Variants in EFCAB13 observed in about 807,000 individuals in gnomAD.
The protein encoded by EFCAB13 is EF-hand calcium-binding domain-containing protein 13.
A neutral mutation model predicts 110.2 loss-of-function variants in EFCAB13; 91 were observed. The ratio of observed to expected loss-of-function variants is 0.83; its 90% confidence interval spans 0.70 to 0.98. EFCAB13 has a LOEUF of 0.98. Ranked by LOEUF, EFCAB13 falls within the 50% of genes least tolerant of loss-of-function variation. The probability of loss-of-function intolerance (pLI) is 0.00; values close to 1 mark genes in which losing one functional copy is unlikely to be tolerated. For synonymous variants in EFCAB13, 323 were observed against 369.9 expected (o/e 0.87, Z 1.45); for missense variants, 968 against 1,119.4 (o/e 0.86, Z 1.93).
chr17:47,351,473 G>A (rs2065453006), intron 9 of EFCAB13, among the ~76,000 whole-genome samples: 2 of 152,164 alleles, frequency 1.3e-5, no homozygotes, highest in South Asian at 2.1e-4. Context: ...TATATACCTA[G>A]TAGTGGAATT....
chr17:47,420,028 G>A (rs1231883359), intron 23 of EFCAB13, among the ~76,000 whole-genome samples: 7 of 151,810 alleles, frequency 4.6e-5, no homozygotes, highest in Non-Finnish European at 7.4e-5. Context: ...CTGCCATCTC[G>A]GCTCACTGCA....
At chr17:47,416,387 T>G (rs1023790262) in intron 23 of EFCAB13, among the ~76,000 whole-genome samples, 2 of 152,186 alleles carry the variant, frequency 1.3e-5, no homozygotes, top group African/African-American at 4.8e-5. Flanking sequence ...TTGTATTTTT[T>G]TGTGTCTAAC....
chr17:47,385,363 A>T (rs1037801859), intron 14 of EFCAB13, among the ~76,000 whole-genome samples: 1 of 151,458 alleles, frequency 6.6e-6, no homozygotes, highest in South Asian at 2.1e-4. Context: ...TTTGTCTCTA[A>T]TCCTGTCTTC....
chr17:47,407,573 T>C lies in EFCAB13; in HGVS notation c.2234-2074T>C, dbSNP rs115551500. On this transcript the variant is annotated intron_variant, in intron 20 of 24. Transcript: ENST00000331493. ...ATACATTGGACTCCACGAAAGAAAA[T>C]TGTCAGTTTGACAAAGACAAAAATC... Among the ~76,000 whole-genome samples, 596 of 152,206 alleles carry C rather than the reference T, an allele frequency of 3.9e-3. 5 individuals are homozygous for C. Among genetic ancestry groups the C allele is most frequent in the African/African-American group, 0.013 (560 of 41,512 alleles).
chr17:47,326,094 T>TA (rs2065284764), intron 2 of EFCAB13, 132 bp from the exon 3 acceptor site: 1 of 151,718 alleles, frequency 6.6e-6, no homozygotes, highest in South Asian at 2.1e-4. Context: ...AGAAAAGGGA[T>TA]ACGACTCCCT....
In EFCAB13 at chr17:47,335,383, T is replaced by C. The variant is rs755151101; in HGVS notation, c.191+27T>C. On this transcript the variant is annotated intron_variant, in intron 5 of 24. Coordinates refer to ENST00000331493, the MANE Select transcript of EFCAB13 (RefSeq NM_152347.5). ...TAAGTTAAAAACTCTGAACTTACTT[T>C]ATTGAATTATACTTTTGCAAGTTAA... is the stretch of plus-strand genomic sequence containing the variant. 9 of 1,552,598 alleles carry C rather than the reference T, an allele frequency of 5.8e-6. No homozygotes were observed. In the African/African-American group the frequency reaches 1.2e-4, roughly 21 times the overall value.
chr17:47,339,025 A>G (rs769092009), intron 5 of EFCAB13, among the ~76,000 whole-genome samples: 21 of 152,168 alleles, frequency 1.4e-4, no homozygotes, highest in Non-Finnish European at 7.3e-5. Context: ...AATTGGAAAA[A>G]AAGGCCAAGG....
rs1298334989 is a variant in EFCAB13, at chr17:47,395,905, A to G, written c.1873A>G (p.Thr625Ala). 1.6e-5 allele frequency: 25 copies of G among 1,611,158 alleles called. No individual in the cohort carries two copies. In the Admixed American group the frequency reaches 4.2e-4, roughly 27 times the overall value. Residue 625 changes from threonine to alanine, a missense_variant, in exon 17 of 25, where the codon ACT (threonine) becomes GCT (alanine). Transcript: ENST00000331493. ...GATGAGTGTTTCTGACCTGTGGAAT[A>G]CTCTGTCTAGTTTGAATAGTAATTT... ...ETMSVSDLWN[T>A]LSSLNSNLKK...
chr17:47,324,645 T>C (rs1171334916), intron 2 of EFCAB13, 122 bp downstream of exon 2: 2 of 151,974 alleles, frequency 1.3e-5, no homozygotes, highest in African/African-American at 4.8e-5. Flanking sequence ...ACGTTTTCAG[T>C]CCCTCTGGCG....
intron 11 of EFCAB13, among the ~76,000 whole-genome samples, chr17:47,371,702 G>A (rs1236239716): frequency 3.9e-5 from 6 of 151,914 alleles, no homozygotes; most frequent in African/African-American, 1.2e-4. Context: ...CAACCTCTGC[G>A]TCCTGGGTTC....
At chr17:47,339,958 T>G (rs2065374486) in intron 5 of EFCAB13, 1 of 152,106 alleles carries the variant, frequency 6.6e-6, no homozygotes, top group Non-Finnish European at 1.5e-5. Flanking sequence ...TAAAAAAGAC[T>G]ACTATCAGGG....
At chr17:47,338,887 T>G (rs1266582949) in intron 5 of EFCAB13, among the ~76,000 whole-genome samples, 1 of 149,784 alleles carries the variant, frequency 6.7e-6, no homozygotes, top group African/African-American at 2.4e-5. Flanking sequence ...CTTGGAGAAA[T>G]AAGTCAGTAA....
chr17:47,421,707 G>T (rs1177581345), intron 23 of EFCAB13, among the ~76,000 whole-genome samples: 2 of 149,750 alleles, frequency 1.3e-5, no homozygotes, highest in African/African-American at 4.9e-5. Context: ...AGCATACACA[G>T]ACATAAAAAA....
intron 23 of EFCAB13, among the ~76,000 whole-genome samples, chr17:47,419,606 A>G (rs1263877910): frequency 1.3e-5 from 2 of 152,110 alleles, no homozygotes; most frequent in East Asian, 3.9e-4. Flanking sequence ...ATAATAATAA[A>G]TATTTGTAGC....
At position 47,335,183 on chromosome 17, in the gene EFCAB13, T is replaced by C; in HGVS notation, c.31-13T>C. On this transcript the variant is annotated splice_polypyrimidine_tract_variant and intron_variant, in intron 4 of 24. Coordinates refer to ENST00000331493, the MANE Select transcript of EFCAB13 (RefSeq NM_152347.5). ...AAGAGGACATGCTTGATTGTGGCTC[T>C]TATATTCCCCAGGCAGAGGAAAATA... is the stretch of plus-strand genomic sequence containing the variant. 6.3e-7 allele frequency: 1 copy of C among 1,581,318 alleles called. No individual in the cohort carries two copies. Among genetic ancestry groups the C allele is most frequent in the Non-Finnish European group, 8.6e-7 (1 of 1,168,576 alleles).
rs565512373 is a variant in EFCAB13 at position 47,386,786 on chromosome 17, G to A, written c.1583-4651G>A. 2.7e-3 allele frequency among the ~76,000 whole-genome samples: 418 copies of A among 152,294 alleles called. 1 individual carries two copies. Among genetic ancestry groups the A allele is most frequent in the Non-Finnish European group, 4.0e-3 (269 of 68,020 alleles). On this transcript the variant is annotated intron_variant, in intron 14 of 24. Coordinates refer to ENST00000331493, the MANE Select transcript of EFCAB13 (RefSeq NM_152347.5). The stretch of plus-strand genomic sequence containing the variant: ...TGTAGGCACGCGAAGGAATCTCCTG[G>A]TCTGTGGATTGCAAAAACCGTGGGG...
intron 16 of EFCAB13, among the ~76,000 whole-genome samples, chr17:47,394,860 A>T: frequency 6.6e-6 from 1 of 151,792 alleles, no homozygotes; most frequent in African/African-American, 2.4e-5. Context: ...TTTTATTAGC[A>T]CAGAGTTATA....
rs1292408046 is a variant in EFCAB13 at position 47,344,213 on chromosome 17, A to G, written c.355A>G (p.Asn119Asp). The change falls in exon 7 of 25, where the codon AAC becomes GAC. Residue 119 changes from asparagine to aspartate, a missense_variant. Transcript: ENST00000331493. ...AAAGGAGAAGGTGACAAGGAAAGAA[A>G]ACTCTTTATGCAAGTTGCCGAATCA... The part of the protein sequence containing the change: ...LSKEKVTRKE[N>D]SLCKLPNQYS... 1 of 1,613,100 alleles carries G rather than the reference A, an allele frequency of 6.2e-7. No homozygotes were observed. The highest frequency in any genetic ancestry group is 2.2e-5 in the East Asian group (1 of 44,854).
intron 9 of EFCAB13, among the ~76,000 whole-genome samples, chr17:47,359,629 TTTA>T (rs1029475167): frequency 6.6e-6 from 1 of 151,700 alleles, no homozygotes. Context: ...CAATTTTTTT[TTTA>T]TTATTATTAT....
Sources: allele counts gnomAD v4.1 joint callset (sites outside exome capture counted in the v4.1 genomes callset), GRCh38; gene constraint gnomAD v4.1.1; transcripts MANE v1.5; gene names NCBI Gene and HGNC (gene_info 2026-07-23, HGNC 2026-07-21).